Variants in REST observed in about 807,000 individuals in gnomAD.
REST encodes the protein RE1 silencing transcription factor.
REST carries 1 observed loss-of-function variant against 30.4 expected under a neutral mutation model. The ratio of observed to expected loss-of-function variants is 0.03; its 90% CI spans 0.01 to 0.16. REST has a LOEUF of 0.16. Among genes scored for constraint, REST ranks in the 10% least tolerant of loss-of-function variants. The pLI, the probability that REST is intolerant of heterozygous loss-of-function variation, is 1.00. For synonymous variants in REST, 504 were observed against 451.1 expected, an observed-to-expected ratio of 1.12 and a Z score of -1.49; for missense variants, 1,259 against 1,329.5, an observed-to-expected ratio of 0.95 and a Z score of 0.82.
chr4:56,932,649 A>C lies in REST; in HGVS notation c.*497A>C, dbSNP rs1186459035. The C allele has an allele frequency of 6.6e-6, 1 of 152,578 alleles. No individual in the cohort carries two copies. Among genetic ancestry groups the C allele is most frequent in the South Asian group, 2.1e-4 (1 of 4,838 alleles). 9.5% of individuals were successfully genotyped at this position (152,578 alleles called of 1,614,324 possible). A position where few individuals can be genotyped will look rare whatever the true frequency, so the allele number is the denominator to read the frequency against. ...AAGAAAAATTCCCCCAGCAATAGACAGTCTATCAGTCCAAGTATTTACTTC... is the reference window on the plus strand; with the variant it reads ...AAGAAAAATTCCCCCAGCAATAGACCGTCTATCAGTCCAAGTATTTACTTC... On this transcript the variant is annotated 3_prime_UTR_variant, in exon 4 of 4. Transcript: ENST00000309042.
At chr4:56,927,657 C>A in intron 3 of REST, 1 of 1,241,970 alleles carries the variant, frequency 8.1e-7, no homozygotes, top group Non-Finnish European at 1.0e-6. Flanking sequence ...AGAGTGTGAT[C>A]TAGATGGGTA....
Position 56,931,837 on chromosome 4 carries a change from T to A in REST, c.2979T>A (p.Pro993=), listed in dbSNP as rs768274859. 6.2e-7 allele frequency: 1 copy of A among 1,614,134 alleles called. No individual in the cohort carries two copies. Among genetic ancestry groups the A allele is most frequent in the Non-Finnish European group, 8.5e-7 (1 of 1,180,006 alleles). The change falls in exon 4 of 4, where the codon CCT becomes CCA. Residue 993 remains proline, a synonymous_variant. Coordinates refer to ENST00000309042, the MANE Select transcript of REST (RefSeq NM_005612.5). ...EAVSKTALAS[P]PATMAANESQ... The stretch of plus-strand genomic sequence containing the variant: ...TGTCCAAAACTGCACTGGCATCACC[T>A]CCTGCTACAATGGCAGCAAATGAGT...
chr4:56,932,446 G>A lies in REST; in HGVS notation c.*294G>A. ...TTATTGCTTTGTCCAGCTACAACTT[G>A]TCATTTTTTTCTCCATGTCTTATCT... On this transcript the variant is annotated 3_prime_UTR_variant, in exon 4 of 4. Transcript: ENST00000309042. The A allele has an allele frequency of 4.4e-6, 1 of 228,140 alleles. No homozygotes were observed. The highest frequency in any genetic ancestry group is 2.2e-5 in the African/African-American group (1 of 44,450). 14.1% of individuals were successfully genotyped at this position (228,140 alleles called of 1,614,324 possible).
In REST at chr4:56,930,994, G is replaced by A. The variant is rs1328651535; in HGVS notation, c.2136G>A (p.Glu712=). The A allele has an allele frequency of 1.2e-6, 2 of 1,614,258 alleles. No individual in the cohort carries two copies. Among genetic ancestry groups the A allele is most frequent in the Non-Finnish European group, 1.7e-6 (2 of 1,180,042 alleles). Reference sequence around the variant, plus strand: ...CTCCCATGGAACCTGCTCAGATGGAGGTTGCCCAGGTAGAATCTGCTCCCA... The same window carrying A: ...CTCCCATGGAACCTGCTCAGATGGAAGTTGCCCAGGTAGAATCTGCTCCCA... ...GPAPMEPAQM[E]VAQVESAPMQ... Residue 712 remains glutamate, a synonymous_variant, in exon 4 of 4, where the codon GAG becomes GAA. Transcript: ENST00000309042.
Position 56,910,928 on chromosome 4 carries a change from C to T in REST, c.290C>T (p.Ala97Val), listed in dbSNP as rs761757985. Residue 97 changes from alanine to valine, a missense_variant, in exon 2 of 4, where the codon GCT (alanine) becomes GTT (valine). Ala to Val is a moderately conservative substitution (Grantham distance 64). Around this residue, in one of 5 missense-constraint regions of REST, gnomAD observed 249 missense variants for 251.5 expected, o/e 0.99. Coordinates refer to ENST00000309042, the MANE Select transcript of REST (RefSeq NM_005612.5). ...GAAGGAGAAGGACTTGAAGAGTCTG[C>T]TGATATAAAAGGTGAACCTCATGGA... ...SEEGEGLEES[A>V]DIKGEPHGLE... 4 of 1,614,026 alleles carry T rather than the reference C, an allele frequency of 2.5e-6. No individual in the cohort carries two copies. In the East Asian group the frequency reaches 6.7e-5, roughly 27 times the overall value.
chr4:56,919,696 C>A, intron 2 of REST, 91 bp from the exon 3 acceptor site: 1 of 651,816 alleles, frequency 1.5e-6, no homozygotes, highest in Non-Finnish European at 2.6e-6. Context: ...TTAAAATGTG[C>A]TGAGCGCTGA....
rs1720887180 is a variant in REST, at chr4:56,929,918, G to T, written c.1060G>T (p.Val354Phe). The change falls in exon 4 of 4, where the codon GTT (valine) becomes TTT (phenylalanine). Residue 354 changes from valine to phenylalanine, a missense_variant. Physicochemically the swap from Val to Phe is conservative, Grantham distance 50. Coordinates refer to ENST00000309042, the MANE Select transcript of REST (RefSeq NM_005612.5). ...QHEVTRHARQ[V>F]HNGPKPLNCP... The stretch of plus-strand genomic sequence containing the variant: ...TGAAGTAACCCGCCATGCAAGACAG[G>T]TTCACAATGGGCCTAAACCTCTTAA... 1 of 1,614,000 alleles carries T rather than the reference G, an allele frequency of 6.2e-7. No individual in the cohort carries two copies. Among genetic ancestry groups the T allele is most frequent in the African/African-American group, 1.3e-5 (1 of 74,900 alleles).
chr4:56,931,334 A>G lies in REST; in HGVS notation c.2476A>G (p.Met826Val). The G allele has an allele frequency of 2.5e-6, 4 of 1,614,268 alleles. No individual in the cohort carries two copies. The highest frequency in any genetic ancestry group is 1.1e-5 in the South Asian group (1 of 91,092). ...AAAAGATAAAAAGGAAAAGTCTAAC[A>G]TGCAGAGTGAAAGGGCACGGAAGGA... ...LRKDKKEKSNMQSERARKEQV... is the reference protein window; with the variant it reads ...LRKDKKEKSNVQSERARKEQV... The change falls in exon 4 of 4, where the codon ATG becomes GTG. Residue 826 changes from methionine to valine, a missense_variant. This residue lies in a region of REST where 856 missense variants were observed against 772.8 expected (regional missense o/e 1.11). Coordinates refer to ENST00000309042, the MANE Select transcript of REST (RefSeq NM_005612.5).
intron 2 of REST, among the ~76,000 whole-genome samples, chr4:56,912,035 T>G (rs1205591593): frequency 6.6e-6 from 1 of 152,244 alleles, no homozygotes; most frequent in Non-Finnish European, 1.5e-5. Flanking sequence ...GTGTAGTTTC[T>G]GAAAGAAATT....
At chr4:56,919,907 T>G in intron 3 of REST, 37 bp downstream of exon 3, 1 of 1,059,764 alleles carries the variant, frequency 9.4e-7, no homozygotes. Flanking sequence ...TCATTTTCAG[T>G]AAATGACCAT....
intron 3 of REST, among the ~76,000 whole-genome samples, chr4:56,920,570 C>T (rs1720401691): frequency 6.6e-6 from 1 of 151,776 alleles, no homozygotes; most frequent in Non-Finnish European, 1.5e-5. Context: ...TGAGACTAGC[C>T]TGACCAACAT....
chr4:56,923,160 G>A (rs979188926), intron 3 of REST, among the ~76,000 whole-genome samples: 2 of 152,230 alleles, frequency 1.3e-5, no homozygotes, highest in African/African-American at 2.4e-5. Flanking sequence ...ACTAGCTATT[G>A]TATGTATGCT....
Position 56,931,199 on chromosome 4 carries a change from T to C in REST, c.2341T>C (p.Leu781=), listed in dbSNP as rs780704588. ...CCAGAAGGAGCCTGTTCAGATGGAG[T>C]TGTCTCCTCCCATGGGGGTGGTTCA... The part of the protein sequence containing the change: ...VVQKEPVQME[L]SPPMGVVQKE... The change falls in exon 4 of 4, where the codon TTG becomes CTG. Residue 781 remains leucine (L), a synonymous_variant. Transcript: ENST00000309042. 3.1e-6 allele frequency: 5 copies of C among 1,610,146 alleles called. No homozygotes were observed. In the Admixed American group the frequency reaches 8.4e-5, roughly 27 times the overall value.
intron 3 of REST, among the ~76,000 whole-genome samples, chr4:56,924,851 G>A (rs577361313): frequency 2.0e-5 from 3 of 151,978 alleles, no homozygotes; most frequent in South Asian, 2.1e-4. Context: ...ATTGTATGCC[G>A]CCATTACTTT....
intron 3 of REST, among the ~76,000 whole-genome samples, chr4:56,923,397 C>T (rs1325003778): frequency 1.3e-5 from 2 of 152,128 alleles, no homozygotes; most frequent in South Asian, 2.1e-4. Flanking sequence ...TCTCCTGAGT[C>T]GCTAGGTCTA....
intron 2 of REST, among the ~76,000 whole-genome samples, chr4:56,915,219 T>TG: frequency 8.4e-6 from 1 of 119,006 alleles, no homozygotes; most frequent in African/African-American, 3.1e-5. Flanking sequence ...CCTGGCCAAT[T>TG]TTGTGTGTGT....
chr4:56,912,457 A>G (rs1719977745), intron 2 of REST, among the ~76,000 whole-genome samples: 1 of 147,296 alleles, frequency 6.8e-6, no homozygotes, highest in African/African-American at 2.5e-5. Context: ...ATCTTGCTTC[A>G]GCCTCCCTGG....
intron 1 of REST, chr4:56,909,515 C>G (rs1454260768): frequency 6.6e-6 from 1 of 152,200 alleles, no homozygotes; most frequent in Non-Finnish European, 1.5e-5. Flanking sequence ...TACCCAATAG[C>G]TTGGGCTGTT....
intron 3 of REST, among the ~76,000 whole-genome samples, chr4:56,925,610 T>A (rs2109561227): frequency 6.6e-6 from 1 of 152,332 alleles, no homozygotes; most frequent in East Asian, 1.9e-4. Context: ...TTCGGAGGCA[T>A]AAAACAGACA....
Sources: allele counts gnomAD v4.1 joint callset (sites outside exome capture counted in the v4.1 genomes callset), GRCh38; gene constraint gnomAD v4.1.1; regional missense constraint gnomAD v4.1.1; transcripts MANE v1.5; gene names NCBI Gene and HGNC (gene_info 2026-07-23, HGNC 2026-07-21).